The following HDAC9 variants were observed in gnomAD, a reference collection of about 807,000 sequenced individuals.
The protein encoded by HDAC9 is histone deacetylase 9.
Under a neutral mutation model 139.4 loss-of-function variants are expected in HDAC9, and 41 were observed. The ratio of observed to expected loss-of-function variants is 0.29; its 90% CI spans 0.23 to 0.38. The LOEUF is 0.38. HDAC9 is among the 10% of genes least tolerant of loss of function. The probability of loss-of-function intolerance (pLI) is 1.00; values close to 1 mark genes in which losing one functional copy is unlikely to be tolerated. For missense variants in HDAC9, 1,147 were observed against 1,297.0 expected (o/e 0.88, Z 1.78); for synonymous variants, 517 against 476.2 (o/e 1.09, Z -1.12).
At chr7:18,593,764 A>G in intron 5 of HDAC9, 144 bp from the exon 6 acceptor site, 1 of 772,360 alleles carries the variant, frequency 1.3e-6, no homozygotes, top group Non-Finnish European at 2.2e-6. Flanking sequence ...GAACTTGGTT[A>G]TGTGAGGCTA....
intron 1 of HDAC9, among the ~76,000 whole-genome samples, chr7:18,355,979 A>C (rs189076578): frequency 6.6e-6 from 1 of 152,196 alleles, no homozygotes; most frequent in South Asian, 2.1e-4. Context: ...AAATGTTCCA[A>C]AATTGGATTA....
At chr7:18,245,152 C>A (rs1243927747) in intron 2 of HDAC9, among the ~76,000 whole-genome samples, 1 of 152,142 alleles carries the variant, frequency 6.6e-6, no homozygotes, top group African/African-American at 2.4e-5. Flanking sequence ...ATTTGGATGA[C>A]TCCACTGGCA....
intron 2 of HDAC9, among the ~76,000 whole-genome samples, chr7:18,243,359 G>A (rs1325762730): frequency 6.6e-6 from 1 of 152,222 alleles, no homozygotes; most frequent in Non-Finnish European, 1.5e-5. Context: ...CTTGGATTGT[G>A]TCTTCCTCTT....
At chr7:18,350,301 T>C (rs1248834903) in intron 1 of HDAC9, among the ~76,000 whole-genome samples, 1 of 152,194 alleles carries the variant, frequency 6.6e-6, no homozygotes, top group Non-Finnish European at 1.5e-5. Flanking sequence ...TTTTGAGTAA[T>C]TGGATTCCAT....
intron 25 of HDAC9, among the ~76,000 whole-genome samples, chr7:18,977,354 A>T (rs765471622): frequency 1.6e-4 from 25 of 152,324 alleles, no homozygotes; most frequent in Admixed American, 6.5e-4. Context: ...TGTTGGATAT[A>T]AAAGGAGCAT....
At chr7:18,585,655 G>T in intron 3 of HDAC9, 133 bp downstream of exon 3, 1 of 1,202,184 alleles carries the variant, frequency 8.3e-7, no homozygotes, top group South Asian at 1.6e-5. Context: ...GAAGGGAATT[G>T]TGATTTTACT....
intron 2 of HDAC9, among the ~76,000 whole-genome samples, chr7:18,174,834 C>T (rs1030265926): frequency 3.5e-4 from 54 of 152,122 alleles, no homozygotes; most frequent in African/African-American, 1.3e-3. Context: ...AAACTTCATC[C>T]CAGATGGGCA....
chr7:18,627,825 G>A (rs1339421991), intron 6 of HDAC9, among the ~76,000 whole-genome samples: 1 of 151,970 alleles, frequency 6.6e-6, no homozygotes, highest in Non-Finnish European at 1.5e-5. Context: ...TATCTTTTCA[G>A]TATTTTCAAG....
chr7:18,218,487 C>G (rs1792467590), intron 2 of HDAC9, among the ~76,000 whole-genome samples: 2 of 152,056 alleles, frequency 1.3e-5, no homozygotes, highest in African/African-American at 2.4e-5. Flanking sequence ...AAGTGACATA[C>G]TGTTCCTTCT....
At chr7:18,358,145 T>A (rs1037907309) in intron 1 of HDAC9, among the ~76,000 whole-genome samples, 3 of 152,048 alleles carry the variant, frequency 2.0e-5, no homozygotes, top group Middle Eastern at 3.2e-3. Flanking sequence ...GCTGAGATGG[T>A]GCCATGCATT....
At chr7:18,950,608 CAA>C (rs1782724703) in intron 23 of HDAC9, among the ~76,000 whole-genome samples, 1 of 151,744 alleles carries the variant, frequency 6.6e-6, no homozygotes, top group Non-Finnish European at 1.5e-5. Flanking sequence ...TGGCTCACAA[CAA>C]AATAGAGAGT....
chr7:18,423,900 A>G (rs1314288824), intron 1 of HDAC9, among the ~76,000 whole-genome samples: 3 of 152,170 alleles, frequency 2.0e-5, no homozygotes, highest in South Asian at 2.1e-4. Flanking sequence ...GTTTTTTGGG[A>G]TGAATTGTTC....
chr7:18,802,217 T>C (rs114096241), intron 17 of HDAC9, among the ~76,000 whole-genome samples: 1,978 of 152,070 alleles, frequency 0.013, 45 homozygotes, highest in African/African-American at 0.045. Context: ...TAAAGAATTC[T>C]CAAGAGTTTA....
rs117677358 is a variant in HDAC9 at position 18,757,659 on chromosome 7, A to G, written c.2044-4498A>G. ...TGGCCTCAATCCAGGCTTTGAACAC[A>G]GGAGGGAAAGGAATAGAACTGTTTC... is the stretch of plus-strand genomic sequence containing the variant. On this transcript the variant is annotated intron_variant, in intron 14 of 25. Transcript: ENST00000686413. Among the ~76,000 whole-genome samples, 699 of 152,282 alleles carry G rather than the reference A, an allele frequency of 4.6e-3. 1 individual carries two copies. Among genetic ancestry groups the G allele is most frequent in the Non-Finnish European group, 7.1e-3 (485 of 68,024 alleles).
chr7:18,821,077 C>CA (rs1225660522), intron 17 of HDAC9, among the ~76,000 whole-genome samples: 1 of 152,170 alleles, frequency 6.6e-6, no homozygotes, highest in Non-Finnish European at 1.5e-5. Flanking sequence ...TTTGTTGCTG[C>CA]AGCCACCTGA....
At chr7:18,856,245 C>G (rs4445123) in intron 21 of HDAC9, among the ~76,000 whole-genome samples, 1,948 of 152,218 alleles carry the variant, frequency 0.013, 14 homozygotes, top group African/African-American at 0.019. Flanking sequence ...AACTGCAGAT[C>G]AAGTCCCTAA....
intron 13 of HDAC9, among the ~76,000 whole-genome samples, chr7:18,732,850 T>TGTATGTGTGCGTATGTGTACACAC (rs1786344471): frequency 1.5e-5 from 1 of 66,738 alleles, no homozygotes; most frequent in Non-Finnish European, 3.2e-5. Context: ...CACACACGTG[T>TGTATGTGTGCGTATGTGTACACAC]GTATGTGTGC....
intron 2 of HDAC9, among the ~76,000 whole-genome samples, chr7:18,164,515 A>G (rs1006551203): frequency 3.3e-5 from 5 of 152,244 alleles, no homozygotes; most frequent in Non-Finnish European, 5.9e-5. Flanking sequence ...ATTGTGCACC[A>G]GAAAGAAAAA....
intron 1 of HDAC9, among the ~76,000 whole-genome samples, chr7:18,347,805 G>A (rs1782538355): frequency 6.6e-6 from 1 of 151,944 alleles, no homozygotes. Context: ...TCAAACTCCT[G>A]ACCTCAGATG....
Sources: gnomAD v4.1 joint callset for allele counts (sites outside exome capture counted in the v4.1 genomes callset) on GRCh38, gnomAD v4.1.1 for gene constraint, MANE v1.5 for transcripts, NCBI Gene and HGNC (gene_info 2026-07-23, HGNC 2026-07-21) for gene names.